SGK3: variants seen among roughly 807,000 people sequenced by gnomAD.
SGK3 encodes serine/threonine-protein kinase Sgk3.
SGK3 carries 47 observed loss-of-function variants against 68.5 expected under a neutral mutation model. The ratio of observed to expected loss-of-function variants is 0.69; its 90% CI spans 0.54 to 0.87. The LOEUF is 0.87. Among genes scored for constraint, SGK3 ranks in the 40% least tolerant of loss-of-function variants. The pLI is 0.00. For missense variants in SGK3, 479 were observed against 575.5 expected (o/e 0.83, Z 1.72); for synonymous variants, 181 against 189.1 (o/e 0.96, Z 0.35).
At chr8:66,779,582 ATATATATATATATATATAT>A (rs1806880091) in intron 1 of SGK3, among the ~76,000 whole-genome samples, 3 of 136,208 alleles carry the variant, frequency 2.2e-5, no homozygotes, top group African/African-American at 5.2e-5. Context: ...ATATATATAT[ATATATATATATATATATAT>A]AAAACACATT....
intron 1 of SGK3, among the ~76,000 whole-genome samples, chr8:66,734,228 C>CTTTTTTTTTTTTT (rs529741200): frequency 6.7e-5 from 7 of 104,224 alleles, no homozygotes; most frequent in Non-Finnish European, 1.2e-4. Flanking sequence ...CTTTTTCTTT[C>CTTTTTTTTTTTTT]TTTTTTTTTT....
intron 1 of SGK3, among the ~76,000 whole-genome samples, chr8:66,766,039 T>C (rs886657266): frequency 2.6e-5 from 4 of 150,948 alleles, no homozygotes; most frequent in Non-Finnish European, 4.4e-5. Context: ...AAAAAAAAAA[T>C]TGGATTTTTC....
chr8:66,828,840 C>G, intron 7 of SGK3, 137 bp downstream of exon 7: 1 of 1,072,346 alleles, frequency 9.3e-7, no homozygotes, highest in Non-Finnish European at 1.4e-6. Context: ...GAATACAGTG[C>G]TGTCATATGC....
intron 8 of SGK3, among the ~76,000 whole-genome samples, chr8:66,834,787 T>A (rs1034243103): frequency 1.3e-5 from 2 of 150,408 alleles, no homozygotes; most frequent in African/African-American, 4.9e-5. Context: ...CAAAAAAAAA[T>A]AAATTAGCCC....
At chr8:66,826,203 C>T (rs1319438938) in intron 6 of SGK3, among the ~76,000 whole-genome samples, 1 of 152,116 alleles carries the variant, frequency 6.6e-6, no homozygotes, top group Non-Finnish European at 1.5e-5. Context: ...GAACTCTTGA[C>T]CTCGTGATCC....
At chr8:66,752,957 C>A (rs1221975280) in intron 1 of SGK3, among the ~76,000 whole-genome samples, 3 of 152,066 alleles carry the variant, frequency 2.0e-5, no homozygotes, top group Non-Finnish European at 4.4e-5. Context: ...CAAGCCTCAG[C>A]CTCCCACTTC....
At chr8:66,717,033 T>TA (rs528976087) in intron 1 of SGK3, among the ~76,000 whole-genome samples, 4,408 of 139,890 alleles carry the variant, frequency 0.032, 89 homozygotes, top group Admixed American at 0.051. Flanking sequence ...CTGTCTCTAC[T>TA]AAAAAAAAAA....
At chr8:66,747,384 T>C (rs1454047786) in intron 1 of SGK3, among the ~76,000 whole-genome samples, 1 of 152,218 alleles carries the variant, frequency 6.6e-6, no homozygotes, top group African/African-American at 2.4e-5. Context: ...TAAAAGACTA[T>C]CTTCAAGTAG....
intron 1 of SGK3, among the ~76,000 whole-genome samples, chr8:66,747,881 G>T (rs1011805215): frequency 7.2e-5 from 11 of 152,150 alleles, no homozygotes; most frequent in Non-Finnish European, 1.2e-4. Flanking sequence ...TATTAAAAAT[G>T]ATGCAATGTG....
intron 5 of SGK3, 132 bp downstream of exon 5, chr8:66,814,060 C>A (rs1446022988): frequency 1.0e-5 from 6 of 595,890 alleles, no homozygotes; most frequent in Non-Finnish European, 1.5e-5. Context: ...CTTCTTTGAG[C>A]ATTTTCTCCC....
At chr8:66,806,558 A>G (rs116265617) in intron 4 of SGK3, among the ~76,000 whole-genome samples, 1,866 of 152,268 alleles carry the variant, frequency 0.012, 34 homozygotes, top group African/African-American at 0.042. Flanking sequence ...TACGCCTGTA[A>G]TCCCAGCACT....
intron 4 of SGK3, among the ~76,000 whole-genome samples, chr8:66,809,734 T>A (rs951050045): frequency 2.0e-5 from 3 of 152,216 alleles, no homozygotes; most frequent in African/African-American, 7.2e-5. Flanking sequence ...AATCACAGAA[T>A]GATAGAACTG....
At chr8:66,842,037 A>G (rs1195122642) in intron 13 of SGK3, among the ~76,000 whole-genome samples, 5 of 152,278 alleles carry the variant, frequency 3.3e-5, no homozygotes, top group South Asian at 4.1e-4. Context: ...AAACTTAACT[A>G]AAAGTATCTC....
chr8:66,727,053 C>T (rs537753385), intron 1 of SGK3, among the ~76,000 whole-genome samples: 1 of 152,186 alleles, frequency 6.6e-6, no homozygotes, highest in Admixed American at 6.5e-5. Flanking sequence ...TGCATGTTAG[C>T]TAAGTTCCTA....
At chr8:66,832,711 C>T (rs939303815) in intron 8 of SGK3, among the ~76,000 whole-genome samples, 1 of 151,770 alleles carries the variant, frequency 6.6e-6, no homozygotes, top group African/African-American at 2.4e-5. Flanking sequence ...CCAAGACCAG[C>T]CTGGGCAACA....
chr8:66,723,114 TATATATATATA>T (rs1563595175), intron 1 of SGK3, among the ~76,000 whole-genome samples: 696 of 53,750 alleles, frequency 0.013, 53 homozygotes, highest in African/African-American at 0.047. Context: ...TATATATATA[TATATATATATA>T]TATATATTTT....
rs1563654706 is a variant in SGK3 at position 66,839,559 on chromosome 8, T to TATATATATATATA, written c.742-444_742-443insATATATATATATA. 2.8e-5 allele frequency among the ~76,000 whole-genome samples: 2 copies of TATATATATATATA among 70,334 alleles called. 1 individual carries two copies. The highest frequency in any genetic ancestry group is 5.2e-5 in the Non-Finnish European group (2 of 38,536). The allele number at this position is 70,334 out of a possible 152,430, so 46.1% of individuals were successfully genotyped here. ...TATATATATATATATATATATATAT[T>TATATATATATATA]TTCATATGGGTTATATTTGTTCTGC... On this transcript the variant is annotated intron_variant, in intron 10 of 16. Transcript: ENST00000521198.
At chr8:66,815,425 T>A (rs1348734587) in intron 5 of SGK3, among the ~76,000 whole-genome samples, 1 of 152,176 alleles carries the variant, frequency 6.6e-6, no homozygotes, top group Non-Finnish European at 1.5e-5. Flanking sequence ...GAACTCACAG[T>A]TCCCTTGTCT....
intron 1 of SGK3, among the ~76,000 whole-genome samples, chr8:66,716,918 AGGCACGGTGGC>A (rs1804649379): frequency 6.6e-6 from 1 of 152,106 alleles, no homozygotes; most frequent in Non-Finnish European, 1.5e-5. Context: ...TGTAGAGGCC[AGGCACGGTGGC>A]TCACACGAGT....
Sources: allele counts gnomAD v4.1 joint callset (sites outside exome capture counted in the v4.1 genomes callset), GRCh38; gene constraint gnomAD v4.1.1; transcripts MANE v1.5; gene names NCBI Gene and HGNC (gene_info 2026-07-23, HGNC 2026-07-21).